CHRNA2: variants seen among roughly 807,000 people sequenced by gnomAD.
CHRNA2 encodes cholinergic receptor nicotinic alpha 2 subunit.
A neutral mutation model predicts 45.5 loss-of-function variants in CHRNA2; 40 were observed. That is an observed-to-expected ratio of 0.88 (90% CI 0.68 to 1.15). The LOEUF (loss-of-function observed/expected upper bound fraction) is 1.15. CHRNA2 is among the 50% of genes most tolerant of loss of function. CHRNA2 has a pLI of 0.00. For missense variants in CHRNA2, 655 were observed against 701.7 expected (o/e 0.93, Z 0.75); for synonymous variants, 301 against 296.7 (o/e 1.01, Z -0.15).
rs1256906114 is a variant in CHRNA2 at position 27,463,699 on chromosome 8, G to A, written c.744C>T (p.Cys248=). The change falls in exon 6 of 7, where the codon TGC becomes TGT. Residue 248 remains cysteine, a synonymous_variant. Coordinates refer to ENST00000407991, the MANE Select transcript of CHRNA2 (RefSeq NM_000742.4). The surrounding 1 kb of genome is among the most constrained non-coding windows in gnomAD (Gnocchi z 6.1). Reference sequence around the variant, plus strand: ...AGGTGACGTCGGGGTAGATCTCGGCGCAGCAGTCGTACTTCTTGCTGTTGT... The same window carrying A: ...AGGTGACGTCGGGGTAGATCTCGGCACAGCAGTCGTACTTCTTGCTGTTGT... ...GTYNSKKYDC[C]AEIYPDVTYA... 2 of 1,613,240 alleles carry A rather than the reference G, an allele frequency of 1.2e-6. No homozygotes were observed. The highest frequency in any genetic ancestry group is 2.2e-5 in the East Asian group (1 of 44,812).
At chr8:27,467,799 C>T in intron 4 of CHRNA2, among the ~76,000 whole-genome samples, 1 of 152,148 alleles carries the variant, frequency 6.6e-6, no homozygotes, top group Non-Finnish European at 1.5e-5. Context: ...ACTGAGGACC[C>T]AGAGACAGGA....
rs758065946 is a variant in CHRNA2 at position 27,462,974 on chromosome 8, C to T, written c.1464+5G>A. Reference sequence around the variant, plus strand: ...AGGCTGGCGCCTCTCCCAACCCCAACGCACCGAAGAGTCAGCATCCTCAGA... The same window carrying T: ...AGGCTGGCGCCTCTCCCAACCCCAATGCACCGAAGAGTCAGCATCCTCAGA... On this transcript the variant is annotated splice_donor_5th_base_variant and intron_variant, in intron 6 of 6. Coordinates refer to ENST00000407991, the MANE Select transcript of CHRNA2 (RefSeq NM_000742.4). 3.0e-5 allele frequency: 49 copies of T among 1,613,914 alleles called. No individual in the cohort carries two copies. Among genetic ancestry groups the T allele is most frequent in the Non-Finnish European group, 3.8e-5 (45 of 1,180,038 alleles).
chr8:27,461,805 G>A (rs1812501021), intron 6 of CHRNA2, 51 bp from the exon 7 acceptor site: 1 of 1,613,074 alleles, frequency 6.2e-7, no homozygotes, highest in East Asian at 2.2e-5. Flanking sequence ...GGAAAGGGAT[G>A]TGTTCCCCCC....
Position 27,460,030 on chromosome 8 carries a change from C to CA in CHRNA2, c.*1598dup, listed in dbSNP as rs1288239787. ...CATGGCAGGGCCTGGGCCAGGGCGT[C>CA]ACAGCCAGGCTGGTTTCCCCTGAGA... On this transcript the variant is annotated 3_prime_UTR_variant, in exon 7 of 7. Coordinates refer to ENST00000407991, the MANE Select transcript of CHRNA2 (RefSeq NM_000742.4). 6.6e-5 allele frequency: 10 copies of CA among 152,628 alleles called. No homozygotes were observed. Among genetic ancestry groups the CA allele is most frequent in the African/African-American group, 2.4e-4 (10 of 41,434 alleles). 9.5% of individuals were successfully genotyped at this position (152,628 alleles called of 1,614,324 possible).
At chr8:27,474,008 T>C (rs780365181) in intron 1 of CHRNA2, among the ~76,000 whole-genome samples, 2 of 152,172 alleles carry the variant, frequency 1.3e-5, no homozygotes, top group Non-Finnish European at 2.9e-5. Context: ...CCCCCTGGGA[T>C]TTTGTCTTAA....
chr8:27,478,296 T>C (rs1034841604), intron 1 of CHRNA2, among the ~76,000 whole-genome samples: 1 of 152,150 alleles, frequency 6.6e-6, no homozygotes. Flanking sequence ...TCTGTTTTGC[T>C]CAATCACAGA....
At chr8:27,465,637 G>T (rs1431500916) in intron 5 of CHRNA2, among the ~76,000 whole-genome samples, 1 of 152,110 alleles carries the variant, frequency 6.6e-6, no homozygotes, top group African/African-American at 2.4e-5. Flanking sequence ...CACCATGTTG[G>T]CCAGGATGGT....
In CHRNA2 at chr8:27,463,266, G is replaced by C; in HGVS notation, c.1177C>G (p.Leu393Val). The change falls in exon 6 of 7, where the codon CTA (leucine) becomes GTA (valine). Residue 393 changes from leucine to valine, a missense_variant. By Grantham distance (32) the Leu-to-Val change is conservative (BLOSUM62 1). Transcript: ENST00000407991. The surrounding 1 kb of genome is among the most constrained non-coding windows in gnomAD (Gnocchi z 6.1). ...PPPPVELCHP[L>V]RLKLSPSYHW... ...TAAGAGGGGCTGAGCTTCAGGCGTA[G>C]GGGGTGGCAGAGCTCCACGGGTGGT... 6.2e-7 allele frequency: 1 copy of C among 1,605,398 alleles called. No homozygotes were observed. Among genetic ancestry groups the C allele is most frequent in the Non-Finnish European group, 8.5e-7 (1 of 1,174,036 alleles).
intron 1 of CHRNA2, among the ~76,000 whole-genome samples, chr8:27,473,341 T>C (rs1463285911): frequency 6.6e-6 from 1 of 152,146 alleles, no homozygotes; most frequent in African/African-American, 2.4e-5. Flanking sequence ...TAACGATCAA[T>C]TTTATGTTAT....
At chr8:27,478,168 C>T (rs1813119186) in intron 1 of CHRNA2, among the ~76,000 whole-genome samples, 1 of 152,258 alleles carries the variant, frequency 6.6e-6, no homozygotes, top group Non-Finnish European at 1.5e-5. Flanking sequence ...TTTTTCACAA[C>T]TGGCAACATT....
chr8:27,468,442 C>T lies in CHRNA2; in HGVS notation c.339+893G>A, dbSNP rs10453140. ...GCCTCCGACCTAAGCGGGATCTGTG[C>T]GCCCTTTCCTGAGTCTAACTGGGCT... On this transcript the variant is annotated intron_variant, in intron 4 of 6. Transcript: ENST00000407991. 6.9e-3 allele frequency among the ~76,000 whole-genome samples: 1,049 copies of T among 152,336 alleles called. 18 individuals are homozygous for T. The highest frequency in any genetic ancestry group is 0.024 in the African/African-American group (1,010 of 41,584).
intron 4 of CHRNA2, among the ~76,000 whole-genome samples, chr8:27,468,129 G>T (rs1563321650): frequency 6.6e-6 from 1 of 152,210 alleles, no homozygotes; most frequent in Non-Finnish European, 1.5e-5. Flanking sequence ...GCTCTGAGAG[G>T]TTACGTAGCT....
intron 1 of CHRNA2, among the ~76,000 whole-genome samples, chr8:27,473,263 G>C (rs1363331786): frequency 6.6e-6 from 1 of 152,152 alleles, no homozygotes; most frequent in Non-Finnish European, 1.5e-5. Context: ...TCCTTTGGAA[G>C]GGTGAGAATG....
rs1317091308 is a variant in CHRNA2 at position 27,469,875 on chromosome 8, G to T, written c.180C>A (p.Asp60Glu). 1.9e-6 allele frequency: 3 copies of T among 1,614,074 alleles called. No homozygotes were observed. Among genetic ancestry groups the T allele is most frequent in the Non-Finnish European group, 2.5e-6 (3 of 1,180,046 alleles). The change falls in exon 3 of 7, where the codon GAC becomes GAA. Residue 60 changes from aspartate to glutamate, a missense_variant. Physicochemically the swap from Asp to Glu is conservative, Grantham distance 45. Coordinates refer to ENST00000407991, the MANE Select transcript of CHRNA2 (RefSeq NM_000742.4). ...CCCGGAAGAGGTGTTTGAAGAGCCG[G>T]TCCTCAGTCTCGGTATGCGAGCCTC... The part of the protein sequence containing the change: ...PQGGSHTETE[D>E]RLFKHLFRGY...
chr8:27,469,437 G>A, intron 3 of CHRNA2, 58 bp from the exon 4 acceptor site: 1 of 1,515,824 alleles, frequency 6.6e-7, no homozygotes, highest in South Asian at 1.2e-5. Flanking sequence ...CCAGAAGACA[G>A]GGTGGAGTGG....
chr8:27,469,268 C>T (rs1812791198), intron 4 of CHRNA2, 67 bp downstream of exon 4: 2 of 1,461,374 alleles, frequency 1.4e-6, no homozygotes, highest in Admixed American at 3.9e-5. Flanking sequence ...CGAAGAAGTC[C>T]TGGAGGGGTC....
Position 27,461,765 on chromosome 8 carries a change from G to C in CHRNA2, c.1465-11C>G, listed in dbSNP as rs1458367638. On this transcript the variant is annotated splice_polypyrimidine_tract_variant and intron_variant, in intron 6 of 6. Transcript: ENST00000407991. ...CCAGTCCTCCTTCACCTGTGGGGAA[G>C]ACAGCACACAGTGACAGGGGCCAGG... 1 of 1,614,062 alleles carries C rather than the reference G, an allele frequency of 6.2e-7. No homozygotes were observed.
intron 1 of CHRNA2, among the ~76,000 whole-genome samples, chr8:27,476,957 G>T (rs934669464): frequency 1.3e-5 from 2 of 151,756 alleles, no homozygotes; most frequent in East Asian, 3.9e-4. Flanking sequence ...CCCCTAGGAG[G>T]GTGTGGGGAA....
chr8:27,470,121 G>A, intron 2 of CHRNA2, 140 bp from the exon 3 acceptor site: 1 of 847,462 alleles, frequency 1.2e-6, no homozygotes, highest in Non-Finnish European at 1.9e-6. Flanking sequence ...AGCACAGCAT[G>A]AGCAGGCTGC....
Sources: allele counts gnomAD v4.1 joint callset (sites outside exome capture counted in the v4.1 genomes callset), GRCh38; gene constraint gnomAD v4.1.1; non-coding constraint Gnocchi (gnomAD v3.1); transcripts MANE v1.5; gene names NCBI Gene and HGNC (gene_info 2026-07-23, HGNC 2026-07-21).